Variants in KCNQ1 observed in about 807,000 individuals in gnomAD.
KCNQ1 encodes the protein potassium voltage-gated channel subfamily Q member 1, also known as potassium voltage-gated channel subfamily KQT member 1.
A neutral mutation model predicts 72.4 loss-of-function variants in KCNQ1; 49 were observed. The ratio of observed to expected loss-of-function variants is 0.68; its 90% CI spans 0.54 to 0.86. The LOEUF is 0.86. KCNQ1 is among the 40% of genes least tolerant of loss of function. KCNQ1 has a pLI of 0.00. For missense variants in KCNQ1, 790 were observed against 945.1 expected (o/e 0.84, Z 2.15); for synonymous variants, 450 against 412.6 (o/e 1.09, Z -1.10).
Position 2,626,504 on chromosome 11 carries a change from T to C in KCNQ1, c.1394-35457T>C. ...TCTTTATGTCAATACCACATAGTTT[T>C]GATTACTGTAGCTTCGTAATAAGTT... On this transcript the variant is annotated intron_variant, in intron 10 of 15. Coordinates refer to ENST00000155840, the MANE Select transcript of KCNQ1 (RefSeq NM_000218.3). This position sits in a 1 kb window ranked among gnomAD's most constrained non-coding sequence, Gnocchi z 4.0. 1 of 398,672 alleles carries C rather than the reference T, an allele frequency of 2.5e-6. No individual in the cohort carries two copies. Among genetic ancestry groups the C allele is most frequent in the Non-Finnish European group, 4.4e-6 (1 of 226,086 alleles). The allele number at this position is 398,672 out of a possible 1,614,324, so 24.7% of individuals were successfully genotyped here. A position where few individuals can be genotyped will look rare whatever the true frequency, so the allele number is the denominator to read the frequency against.
Position 2,464,411 on chromosome 11 carries a change from C to T in KCNQ1, c.386+18927C>T, listed in dbSNP as rs1846322356. On this transcript the variant is annotated intron_variant, in intron 1 of 15. Transcript: ENST00000155840. This position sits in a 1 kb window ranked among gnomAD's most constrained non-coding sequence, Gnocchi z 5.0. Reference sequence around the variant, plus strand: ...GAGGCTGGTAAGAGGATTCTGGAGTCCCTGGAGTGTCTTCTGGCATCGCAT... The same window carrying T: ...GAGGCTGGTAAGAGGATTCTGGAGTTCCTGGAGTGTCTTCTGGCATCGCAT... Among the ~76,000 whole-genome samples the T allele has an allele frequency of 6.6e-6, 1 of 152,142 alleles. No homozygotes were observed. The highest frequency in any genetic ancestry group is 1.5e-5 in the Non-Finnish European group (1 of 68,018).
intron 15 of KCNQ1, among the ~76,000 whole-genome samples, chr11:2,812,708 C>A (rs1847516108): frequency 6.6e-6 from 1 of 152,188 alleles, no homozygotes; most frequent in East Asian, 1.9e-4. Flanking sequence ...TCCCTCTTCC[C>A]TAGGAAGCAA....
chr11:2,518,254 G>A (rs1391467132), intron 1 of KCNQ1, among the ~76,000 whole-genome samples: 1 of 152,258 alleles, frequency 6.6e-6, no homozygotes, highest in Non-Finnish European at 1.5e-5. Flanking sequence ...GCCAGAGCCG[G>A]AGGCCTCCTG....
At position 2,547,719 on chromosome 11, in the gene KCNQ1, C is replaced by T. The variant is rs946917794; in HGVS notation, c.477+19701C>T. On this transcript the variant is annotated intron_variant, in intron 2 of 15. Transcript: ENST00000155840. This position sits in a 1 kb window ranked among gnomAD's most constrained non-coding sequence, Gnocchi z 4.2. ...TCCATCTTTTATAAGTTCAGACCCC[C>T]ACAACCTTGGGTGGACTACTGACTA... Among the ~76,000 whole-genome samples the T allele has an allele frequency of 2.6e-5, 4 of 152,216 alleles. No homozygotes were observed. Among genetic ancestry groups the T allele is most frequent in the African/African-American group, 9.6e-5 (4 of 41,452 alleles).
Position 2,447,276 on chromosome 11 carries a change from G to C in KCNQ1, c.386+1792G>C, listed in dbSNP as rs1267817318. 1.3e-5 allele frequency among the ~76,000 whole-genome samples: 2 copies of C among 152,222 alleles called. No individual in the cohort carries two copies. The highest frequency in any genetic ancestry group is 2.4e-5 in the African/African-American group (1 of 41,458). Reference sequence around the variant, plus strand: ...GCCTCCGCAGAGCTGGCAAGGCAGGGGTGGCTTCTGGGGACAGGGGCAGGA... The same window carrying C: ...GCCTCCGCAGAGCTGGCAAGGCAGGCGTGGCTTCTGGGGACAGGGGCAGGA... On this transcript the variant is annotated intron_variant, in intron 1 of 15. Coordinates refer to ENST00000155840, the MANE Select transcript of KCNQ1 (RefSeq NM_000218.3). The surrounding 1 kb of genome is among the most constrained non-coding windows in gnomAD (Gnocchi z 7.6).
At chr11:2,561,200 C>CAAAAAAAA (rs1305352795) in intron 2 of KCNQ1, among the ~76,000 whole-genome samples, 1 of 58,860 alleles carries the variant, frequency 1.7e-5, no homozygotes, top group African/African-American at 6.9e-5. Context: ...GACTCCGTCT[C>CAAAAAAAA]AAAAAAAAAA....
Position 2,645,754 on chromosome 11 carries a change from A to G in KCNQ1, c.1394-16207A>G. ...GGATGTCCATGGGGCTCCAGGGATGAGATAGAGGGATGTGGGGCCCACAGC... is the reference window on the plus strand; with the variant it reads ...GGATGTCCATGGGGCTCCAGGGATGGGATAGAGGGATGTGGGGCCCACAGC... On this transcript the variant is annotated intron_variant, in intron 10 of 15. Coordinates refer to ENST00000155840, the MANE Select transcript of KCNQ1 (RefSeq NM_000218.3). The surrounding 1 kb of genome is among the most constrained non-coding windows in gnomAD (Gnocchi z 5.8). 1 of 398,786 alleles carries G rather than the reference A, an allele frequency of 2.5e-6. No individual in the cohort carries two copies. Among genetic ancestry groups the G allele is most frequent in the East Asian group, 3.6e-5 (1 of 28,072 alleles). The allele number at this position is 398,786 out of a possible 1,614,324, so 24.7% of individuals were successfully genotyped here.
intron 1 of KCNQ1, among the ~76,000 whole-genome samples, chr11:2,465,192 C>T (rs572661953): frequency 1.1e-4 from 16 of 152,272 alleles, no homozygotes; most frequent in African/African-American, 3.6e-4. Context: ...CAGGGTCTCA[C>T]TCTGTCGCCT....
chr11:2,497,085 G>C lies in KCNQ1; in HGVS notation c.387-30843G>C, dbSNP rs145696760. On this transcript the variant is annotated intron_variant, in intron 1 of 15. Transcript: ENST00000155840. This position sits in a 1 kb window ranked among gnomAD's most constrained non-coding sequence, Gnocchi z 4.5. Reference sequence around the variant, plus strand: ...GTAGGTAACCTGACCTTTCTCTCTGGCTGCCCTTAACGTTTTGTCCTTCAT... The same window carrying C: ...GTAGGTAACCTGACCTTTCTCTCTGCCTGCCCTTAACGTTTTGTCCTTCAT... 4.9e-3 allele frequency among the ~76,000 whole-genome samples: 744 copies of C among 152,152 alleles called. 9 individuals carry two copies. Among genetic ancestry groups the C allele is most frequent in the African/African-American group, 0.017 (710 of 41,488 alleles).
In KCNQ1 at chr11:2,724,822, A is replaced by G. The variant is rs1845730471; in HGVS notation, c.1515-44022A>G. 6.6e-6 allele frequency among the ~76,000 whole-genome samples: 1 copy of G among 152,160 alleles called. No homozygotes were observed. Among genetic ancestry groups the G allele is most frequent in the Non-Finnish European group, 1.5e-5 (1 of 68,016 alleles). The stretch of plus-strand genomic sequence containing the variant: ...CTGGGCTGAAGCTTCTGGCCATCGT[A>G]TGGAGCTGGAACAAGGCACTGGAAG... On this transcript the variant is annotated intron_variant, in intron 11 of 15. Transcript: ENST00000155840. This position sits in a 1 kb window ranked among gnomAD's most constrained non-coding sequence, Gnocchi z 6.8.
rs1370745534 is a variant in KCNQ1 at position 2,538,818 on chromosome 11, G to A, written c.477+10800G>A. ...TTTGTTCAGAACAAGATGGGGTGGG[G>A]TGGGGGGCAGTGAGGGGCCTGGGGC... On this transcript the variant is annotated intron_variant, in intron 2 of 15. Coordinates refer to ENST00000155840, the MANE Select transcript of KCNQ1 (RefSeq NM_000218.3). This position sits in a 1 kb window ranked among gnomAD's most constrained non-coding sequence, Gnocchi z 6.7. Among the ~76,000 whole-genome samples, 1 of 151,222 alleles carries A rather than the reference G, an allele frequency of 6.6e-6. No individual in the cohort carries two copies. The highest frequency in any genetic ancestry group is 1.5e-5 in the Non-Finnish European group (1 of 67,870).
In KCNQ1 at chr11:2,746,495, T is replaced by A. The variant is rs1172908996; in HGVS notation, c.1515-22349T>A. ...TCCCTGGGCTCCTCTGGGCGGTGAC[T>A]GTTTCCCAGGCTCTCCTTGTTGGTG... On this transcript the variant is annotated intron_variant, in intron 11 of 15. Transcript: ENST00000155840. The surrounding 1 kb of genome is among the most constrained non-coding windows in gnomAD (Gnocchi z 5.9). 6.6e-6 allele frequency among the ~76,000 whole-genome samples: 1 copy of A among 152,198 alleles called. No homozygotes were observed. The highest frequency in any genetic ancestry group is 1.5e-5 in the Non-Finnish European group (1 of 68,034).
At chr11:2,633,805 A>G (rs1237617021) in intron 10 of KCNQ1, 8 of 398,520 alleles carry the variant, frequency 2.0e-5, no homozygotes, top group Non-Finnish European at 2.7e-5. Context: ...GACCCCCTGT[A>G]TATACCAAAA....
At chr11:2,741,701 G>A (rs1031685146) in intron 11 of KCNQ1, among the ~76,000 whole-genome samples, 19 of 152,228 alleles carry the variant, frequency 1.2e-4, no homozygotes, top group Non-Finnish European at 2.4e-4. Context: ...TGTGAGTGGG[G>A]GCAGGCTGAG....
rs934524358 is a variant in KCNQ1 at position 2,543,369 on chromosome 11, G to A, written c.477+15351G>A. 6.6e-6 allele frequency among the ~76,000 whole-genome samples: 1 copy of A among 151,994 alleles called. No individual in the cohort carries two copies. The highest frequency in any genetic ancestry group is 1.5e-5 in the Non-Finnish European group (1 of 68,020). On this transcript the variant is annotated intron_variant, in intron 2 of 15. Transcript: ENST00000155840. This position sits in a 1 kb window ranked among gnomAD's most constrained non-coding sequence, Gnocchi z 5.6. ...GCTCACTGCAACCTCGAATTCCTGGGCTCCGAGGATCCTCCCACCTCAGCC... is the reference window on the plus strand; with the variant it reads ...GCTCACTGCAACCTCGAATTCCTGGACTCCGAGGATCCTCCCACCTCAGCC...
At chr11:2,459,672 G>A (rs1240931904) in intron 1 of KCNQ1, among the ~76,000 whole-genome samples, 5 of 152,182 alleles carry the variant, frequency 3.3e-5, no homozygotes, top group Non-Finnish European at 7.4e-5. Flanking sequence ...CCGTGAGGGC[G>A]TGGTCCCTCC....
At chr11:2,740,461 A>G (rs1846033605) in intron 11 of KCNQ1, among the ~76,000 whole-genome samples, 1 of 152,212 alleles carries the variant, frequency 6.6e-6, no homozygotes, top group Admixed American at 6.5e-5. Context: ...AGGGACCCCG[A>G]TGCAGCCCCA....
intron 11 of KCNQ1, chr11:2,696,863 G>A (rs1051989068): frequency 9.5e-5 from 38 of 398,326 alleles, no homozygotes; most frequent in Non-Finnish European, 6.6e-5. Context: ...GTTGCTATTG[G>A]CATAAAGAAA....
At position 2,652,032 on chromosome 11, in the gene KCNQ1, C is replaced by G. The variant is rs1207699134; in HGVS notation, c.1394-9929C>G. 3 of 398,556 alleles carry G rather than the reference C, an allele frequency of 7.5e-6. No homozygotes were observed. The highest frequency in any genetic ancestry group is 4.4e-5 in the Admixed American group (1 of 22,726). 24.7% of individuals were successfully genotyped at this position (398,556 alleles called of 1,614,324 possible). On this transcript the variant is annotated intron_variant, in intron 10 of 15. Coordinates refer to ENST00000155840, the MANE Select transcript of KCNQ1 (RefSeq NM_000218.3). The surrounding 1 kb of genome is among the most constrained non-coding windows in gnomAD (Gnocchi z 5.9). ...TTTGATGTTGAGCCTCCCCCCAGTT[C>G]TGGGGTGGCTCTGACTGTGTCCAGG...
Sources: gnomAD v4.1 joint callset for allele counts (sites outside exome capture counted in the v4.1 genomes callset) on GRCh38, gnomAD v4.1.1 for gene constraint, Gnocchi (gnomAD v3.1) non-coding constraint, MANE v1.5 for transcripts, NCBI Gene and HGNC (gene_info 2026-07-23, HGNC 2026-07-21) for gene names.